CLIC4: variants seen among roughly 807,000 people sequenced by gnomAD.
CLIC4 encodes the protein CLIC family member 4, also known as chloride intracellular channel protein 4.
Under a neutral mutation model 24.6 loss-of-function variants are expected in CLIC4, and 13 were observed. The ratio of observed to expected loss-of-function variants is 0.53; its 90% CI spans 0.34 to 0.84. The LOEUF (loss-of-function observed/expected upper bound fraction) is 0.84, where lower values mean the gene tolerates loss of function less well. CLIC4 is among the 40% of genes least tolerant of loss of function. The probability of loss-of-function intolerance (pLI) is 0.01; values close to 1 mark genes in which losing one functional copy is unlikely to be tolerated. For synonymous variants in CLIC4, 104 were observed against 111.3 expected (o/e 0.93, Z 0.41); for missense variants, 227 against 301.7 (o/e 0.75, Z 1.83).
intron 4 of CLIC4, among the ~76,000 whole-genome samples, chr1:24,836,499 G>A (rs1639886954): frequency 6.6e-6 from 1 of 152,114 alleles, no homozygotes. Flanking sequence ...TTGAAAACGA[G>A]GAATGTTTCT....
At chr1:24,758,717 CA>C (rs1312777616) in intron 1 of CLIC4, among the ~76,000 whole-genome samples, 1 of 152,126 alleles carries the variant, frequency 6.6e-6, no homozygotes, top group African/African-American at 2.4e-5. Flanking sequence ...CTTGGCCTTC[CA>C]AAAGTTCTGG....
At chr1:24,806,734 A>G (rs1639553866) in intron 2 of CLIC4, among the ~76,000 whole-genome samples, 1 of 152,210 alleles carries the variant, frequency 6.6e-6, no homozygotes. Flanking sequence ...GATTTCCTGC[A>G]TAATGCTTTG....
chr1:24,828,485 T>C (rs2124168535), intron 4 of CLIC4, among the ~76,000 whole-genome samples: 1 of 148,196 alleles, frequency 6.7e-6, no homozygotes, highest in African/African-American at 2.4e-5. Context: ...TCATGCGAGC[T>C]AACTGTTCTT....
chr1:24,762,501 CTA>C (rs933763256), intron 1 of CLIC4, among the ~76,000 whole-genome samples: 2 of 152,048 alleles, frequency 1.3e-5, no homozygotes, highest in Non-Finnish European at 2.9e-5. Context: ...CTGAGGAACT[CTA>C]AACACTTAGG....
intron 1 of CLIC4, among the ~76,000 whole-genome samples, chr1:24,755,553 G>C (rs933685989): frequency 2.0e-5 from 3 of 151,632 alleles, no homozygotes; most frequent in African/African-American, 7.3e-5. Context: ...AGGCTGCAAT[G>C]AGCTATGATT....
intron 1 of CLIC4, among the ~76,000 whole-genome samples, chr1:24,770,668 G>T (rs866493497): frequency 6.6e-6 from 1 of 152,036 alleles, no homozygotes; most frequent in African/African-American, 2.4e-5. Flanking sequence ...TTGAGGGGAG[G>T]TTATAAATAA....
At chr1:24,791,629 A>G (rs1639336062) in intron 1 of CLIC4, among the ~76,000 whole-genome samples, 1 of 152,134 alleles carries the variant, frequency 6.6e-6, no homozygotes, top group South Asian at 2.1e-4. Flanking sequence ...TAATCTGGGC[A>G]TTTTGGGAGG....
intron 3 of CLIC4, among the ~76,000 whole-genome samples, chr1:24,816,234 G>GTTTTTTTTT (rs71752506): frequency 3.2e-5 from 2 of 62,124 alleles, no homozygotes; most frequent in Non-Finnish European, 5.8e-5. Flanking sequence ...GAATGTTCGT[G>GTTTTTTTTT]TTTTTTTTTT....
At chr1:24,821,717 A>C (rs1403537142) in intron 3 of CLIC4, among the ~76,000 whole-genome samples, 1 of 151,802 alleles carries the variant, frequency 6.6e-6, no homozygotes, top group Non-Finnish European at 1.5e-5. Context: ...ACGCCTGGCT[A>C]ATTTTTGTAT....
chr1:24,822,222 A>G (rs1639741734), intron 3 of CLIC4, among the ~76,000 whole-genome samples: 1 of 152,116 alleles, frequency 6.6e-6, no homozygotes, highest in African/African-American at 2.4e-5. Context: ...TGCTTTAATG[A>G]GTACAAAATT....
intron 2 of CLIC4, 30 bp from the exon 3 acceptor site, chr1:24,814,064 T>A (rs1639644212): frequency 6.2e-7 from 1 of 1,611,684 alleles, no homozygotes; most frequent in Non-Finnish European, 8.5e-7. Context: ...TAAAAAATGA[T>A]CTGATTTTGA....
At chr1:24,798,914 C>T (rs928310177) in intron 2 of CLIC4, among the ~76,000 whole-genome samples, 4 of 152,362 alleles carry the variant, frequency 2.6e-5, no homozygotes, top group South Asian at 4.1e-4. Context: ...CCCGAGGTGC[C>T]GGGATTGCAG....
At chr1:24,835,904 T>C (rs1156568587) in intron 4 of CLIC4, among the ~76,000 whole-genome samples, 1 of 152,226 alleles carries the variant, frequency 6.6e-6, no homozygotes, top group Non-Finnish European at 1.5e-5. Flanking sequence ...TATTTAAATA[T>C]TCCAAATGAA....
chr1:24,751,644 A>T (rs115138068), intron 1 of CLIC4, among the ~76,000 whole-genome samples: 1 of 152,200 alleles, frequency 6.6e-6, no homozygotes, highest in South Asian at 2.1e-4. Context: ...AAATGAGAGT[A>T]ATAGAGATGG....
intron 1 of CLIC4, among the ~76,000 whole-genome samples, chr1:24,747,056 G>A (rs1259021970): frequency 4.7e-5 from 7 of 149,978 alleles, no homozygotes; most frequent in African/African-American, 1.5e-4. Context: ...GACTGGAACA[G>A]TGTTTGCCTT....
At chr1:24,799,540 C>G (rs1268622469) in intron 2 of CLIC4, among the ~76,000 whole-genome samples, 1 of 151,774 alleles carries the variant, frequency 6.6e-6, no homozygotes. Flanking sequence ...CGGCAGCCCC[C>G]CCATCTGGGA....
intron 3 of CLIC4, among the ~76,000 whole-genome samples, chr1:24,822,195 G>A (rs10903106): frequency 0.62 from 93,890 of 151,962 alleles, 30,183 homozygotes; most frequent in Non-Finnish European, 0.71. Flanking sequence ...AAAATGTTAA[G>A]TCTTTAATTG....
At chr1:24,750,079 A>C (rs1638754719) in intron 1 of CLIC4, among the ~76,000 whole-genome samples, 1 of 152,146 alleles carries the variant, frequency 6.6e-6, no homozygotes, top group Admixed American at 6.5e-5. Context: ...CCTATCTCTA[A>C]ATAAATAAGT....
At chr1:24,826,775 A>G (rs1199872781) in intron 3 of CLIC4, among the ~76,000 whole-genome samples, 2 of 152,208 alleles carry the variant, frequency 1.3e-5, no homozygotes, top group African/African-American at 4.8e-5. Context: ...ATGGAGGTGG[A>G]GTGCACATGC....
Sources: allele counts gnomAD v4.1 joint callset (sites outside exome capture counted in the v4.1 genomes callset), GRCh38; gene constraint gnomAD v4.1.1; transcripts MANE v1.5; gene names NCBI Gene and HGNC (gene_info 2026-07-23, HGNC 2026-07-21).